Variants in TAB2 observed in about 807,000 individuals in gnomAD.
TAB2 encodes the protein TGF-beta-activated kinase 1 and MAP3K7-binding protein 2.
In TAB2, 3 loss-of-function variants were observed where a neutral mutation model predicts 65.0. The ratio of observed to expected loss-of-function variants is 0.05; its 90% CI spans 0.02 to 0.12. The LOEUF (loss-of-function observed/expected upper bound fraction) is 0.12, where lower values mean the gene tolerates loss of function less well. Among genes scored for constraint, TAB2 ranks in the 10% least tolerant of loss-of-function variants. TAB2 has a pLI of 1.00. For synonymous variants in TAB2, 298 were observed against 285.1 expected, an observed-to-expected ratio of 1.05 and a Z score of -0.46; for missense variants, 623 against 840.3, an observed-to-expected ratio of 0.74 and a Z score of 3.20.
chr6:149,253,123 G>T (rs912144801), intron 1 of TAB2: 13 of 152,242 alleles, frequency 8.5e-5, no homozygotes, highest in African/African-American at 2.9e-4. Flanking sequence ...AGCCTGGCTG[G>T]TTCGTGTAAG....
At chr6:149,269,395 A>G (rs1321040664) in intron 1 of TAB2, among the ~76,000 whole-genome samples, 2 of 152,214 alleles carry the variant, frequency 1.3e-5, no homozygotes, top group Non-Finnish European at 2.9e-5. Context: ...TTTATTAAAA[A>G]TTCACTATAT....
intron 1 of TAB2, among the ~76,000 whole-genome samples, chr6:149,323,951 G>A (rs1346924739): frequency 6.6e-6 from 1 of 151,818 alleles, no homozygotes; most frequent in Non-Finnish European, 1.5e-5. Context: ...AACAATAACT[G>A]TCTACTACAG....
chr6:149,387,632 C>T (rs999595483), intron 3 of TAB2, among the ~76,000 whole-genome samples: 1 of 152,132 alleles, frequency 6.6e-6, no homozygotes, highest in Non-Finnish European at 1.5e-5. Context: ...TCAATTTCTA[C>T]ATAGAAGTCA....
intron 1 of TAB2, among the ~76,000 whole-genome samples, chr6:149,299,181 T>C (rs552110942): frequency 5.4e-4 from 82 of 152,348 alleles, no homozygotes; most frequent in African/African-American, 1.9e-3. Flanking sequence ...AAAATTTTCA[T>C]GGTATAGCAT....
At chr6:149,298,663 T>G (rs1778920651) in intron 1 of TAB2, among the ~76,000 whole-genome samples, 1 of 152,182 alleles carries the variant, frequency 6.6e-6, no homozygotes, top group African/African-American at 2.4e-5. Context: ...AAACAGTCAT[T>G]TAACCTTTTG....
chr6:149,283,806 G>C (rs961246141), intron 1 of TAB2, among the ~76,000 whole-genome samples: 1 of 152,030 alleles, frequency 6.6e-6, no homozygotes, highest in Non-Finnish European at 1.5e-5. Context: ...AATAGGGCTG[G>C]GTAGGGGACT....
At position 149,409,724 on chromosome 6, in the gene TAB2, A is replaced by C. The variant is rs1160955445; in HGVS notation, c.*5A>C. 1 of 1,613,930 alleles carries C rather than the reference A, an allele frequency of 6.2e-7. No individual in the cohort carries two copies. The highest frequency in any genetic ancestry group is 8.5e-7 in the Non-Finnish European group (1 of 1,179,940). Reference sequence around the variant, plus strand: ...GAGATGCCAAGGCATTTCTGAGCCAAATGGCCCTGTATCTTCTCTAAAACC... The same window carrying C: ...GAGATGCCAAGGCATTTCTGAGCCACATGGCCCTGTATCTTCTCTAAAACC... On this transcript the variant is annotated 3_prime_UTR_variant, in exon 7 of 7. Coordinates refer to ENST00000637181, the MANE Select transcript of TAB2 (RefSeq NM_001292034.3).
intron 1 of TAB2, among the ~76,000 whole-genome samples, chr6:149,353,995 TTC>T (rs1243284679): frequency 1.3e-5 from 2 of 152,222 alleles, no homozygotes; most frequent in Non-Finnish European, 1.5e-5. Context: ...TAAATCCTGC[TTC>T]TCTATTTGCA....
In TAB2 at chr6:149,250,989, G is replaced by GAAATATA. The variant is rs1562388158; in HGVS notation, c.-121+32213_-121+32214insAAATATA. Among the ~76,000 whole-genome samples, 179 of 152,236 alleles carry GAAATATA rather than the reference G, an allele frequency of 1.2e-3. 1 individual carries two copies. The highest frequency in any genetic ancestry group is 4.1e-3 in the African/African-American group (170 of 41,542). On this transcript the variant is annotated intron_variant, in intron 1 of 1. Transcript: ENST00000606202. ...CGCTTATTTCCAAAGGATATTTGCTGTCCCCATAGCAGCCAGCTTTCATCA... is the reference window on the plus strand; with the variant it reads ...CGCTTATTTCCAAAGGATATTTGCTGAAATATATCCCCATAGCAGCCAGCTTTCATCA...
intron 1 of TAB2, chr6:149,230,284 G>A (rs1478236511): frequency 6.6e-6 from 1 of 152,192 alleles, no homozygotes; most frequent in Non-Finnish European, 1.5e-5. Context: ...CCATCTATAT[G>A]CTAGTCAGGA....
chr6:149,361,265 T>TC (rs1491565135), intron 1 of TAB2, among the ~76,000 whole-genome samples: 1 of 151,774 alleles, frequency 6.6e-6, no homozygotes, highest in Non-Finnish European at 1.5e-5. Context: ...ACCCAGACTT[T>TC]CTCATACATC....
At position 149,379,147 on chromosome 6, in the gene TAB2, C is replaced by A. The variant is rs765366713; in HGVS notation, c.1232C>A (p.Thr411Lys). Residue 411 changes from threonine (T) to lysine (K), a missense_variant, in exon 3 of 7, where the codon ACA becomes AAA. Physicochemically the swap from Thr to Lys is moderately conservative, Grantham distance 78. Around this residue, in one of 3 missense-constraint regions of TAB2, gnomAD observed 550 missense variants for 665.7 expected, o/e 0.83. Coordinates refer to ENST00000637181, the MANE Select transcript of TAB2 (RefSeq NM_001292034.3). ...AATCAGCCCACACTCTTCATATCCA[C>A]AAACTCTGGAGCATCTGCTGCCTCC... The part of the protein sequence containing the change: ...MRNQPTLFIS[T>K]NSGASAASRN... 2 of 1,614,232 alleles carry A rather than the reference C, an allele frequency of 1.2e-6. No homozygotes were observed.
At chr6:149,237,628 C>G (rs985737427) in intron 1 of TAB2, among the ~76,000 whole-genome samples, 9 of 152,210 alleles carry the variant, frequency 5.9e-5, no homozygotes, top group African/African-American at 2.2e-4. Flanking sequence ...AACCCCTCAT[C>G]CGTCCTCTAG....
At chr6:149,284,362 G>T (rs1016069085) in intron 1 of TAB2, among the ~76,000 whole-genome samples, 3 of 152,100 alleles carry the variant, frequency 2.0e-5, no homozygotes, top group Admixed American at 6.5e-5. Context: ...GGTAGGCAAG[G>T]TGCTTCTCCT....
chr6:149,361,594 C>T (rs1267007507), intron 1 of TAB2, among the ~76,000 whole-genome samples: 2 of 152,126 alleles, frequency 1.3e-5, no homozygotes, highest in African/African-American at 2.4e-5. Flanking sequence ...CTTGGCTGTT[C>T]GCACTTGGCT....
intron 1 of TAB2, among the ~76,000 whole-genome samples, chr6:149,294,500 G>A (rs969662263): frequency 6.6e-6 from 1 of 152,144 alleles, no homozygotes; most frequent in African/African-American, 2.4e-5. Flanking sequence ...AATTTTGGAG[G>A]AACACAATTT....
intron 1 of TAB2, among the ~76,000 whole-genome samples, chr6:149,341,968 T>G (rs763162596): frequency 2.0e-5 from 3 of 152,164 alleles, no homozygotes; most frequent in African/African-American, 4.8e-5. Flanking sequence ...CTACTATTCA[T>G]AATATCCTAT....
At chr6:149,347,935 C>T (rs1780357652) in intron 1 of TAB2, among the ~76,000 whole-genome samples, 2 of 152,036 alleles carry the variant, frequency 1.3e-5, no homozygotes, top group Admixed American at 1.3e-4. Context: ...TCATTGAGGT[C>T]AAAAGGTTTT....
intron 1 of TAB2, among the ~76,000 whole-genome samples, chr6:149,224,001 C>A (rs1777214448): frequency 6.6e-6 from 1 of 152,028 alleles, no homozygotes; most frequent in Non-Finnish European, 1.5e-5. Context: ...TCTTTGCAGC[C>A]AGATATGTAG....
Sources: allele counts gnomAD v4.1 joint callset (sites outside exome capture counted in the v4.1 genomes callset), GRCh38; gene constraint gnomAD v4.1.1; regional missense constraint gnomAD v4.1.1; transcripts MANE v1.5; gene names NCBI Gene and HGNC (gene_info 2026-07-23, HGNC 2026-07-21).